Variants in ATP6V1H observed in about 807,000 individuals in gnomAD.
ATP6V1H encodes V-type proton ATPase subunit H.
In ATP6V1H, 39 loss-of-function variants were observed where a neutral mutation model predicts 71.7. The ratio of observed to expected loss-of-function variants is 0.54; its 90% CI spans 0.42 to 0.71. ATP6V1H has a LOEUF of 0.71. ATP6V1H is among the 30% of genes least tolerant of loss of function. The probability of loss-of-function intolerance (pLI) is 0.00; values close to 1 mark genes in which losing one functional copy is unlikely to be tolerated. For missense variants in ATP6V1H, 509 were observed against 594.9 expected (o/e 0.86, Z 1.50); for synonymous variants, 192 against 199.3 (o/e 0.96, Z 0.31).
intron 7 of ATP6V1H, among the ~76,000 whole-genome samples, chr8:53,807,675 T>C (rs749283446): frequency 2.8e-4 from 42 of 152,194 alleles, no homozygotes; most frequent in Admixed American, 2.3e-3. Flanking sequence ...TGTTAATGTG[T>C]ACAGGGTTGG....
In ATP6V1H at chr8:53,769,776, T is replaced by C. The variant is rs1808591123; in HGVS notation, c.1050-33A>G. The C allele has an allele frequency of 1.9e-6, 3 of 1,565,234 alleles. No homozygotes were observed. The South Asian group carries it at 3.6e-5, about 19-fold the overall frequency. On this transcript the variant is annotated intron_variant, in intron 10 of 13. Transcript: ENST00000359530. Reference sequence around the variant, plus strand: ...AATGTTCAAAAGAATTCAAGGTTTATAAGAATCTGACAGTACTCCAAAATT... The same window carrying C: ...AATGTTCAAAAGAATTCAAGGTTTACAAGAATCTGACAGTACTCCAAAATT...
At chr8:53,754,742 T>G (rs749182780) in intron 12 of ATP6V1H, among the ~76,000 whole-genome samples, 25 of 152,358 alleles carry the variant, frequency 1.6e-4, no homozygotes, top group Non-Finnish European at 3.2e-4. Flanking sequence ...AAGTGGTTTA[T>G]CATTGCTGGG....
intron 2 of ATP6V1H, among the ~76,000 whole-genome samples, chr8:53,834,607 G>A (rs1455095947): frequency 6.6e-6 from 1 of 151,918 alleles, no homozygotes; most frequent in Non-Finnish European, 1.5e-5. Flanking sequence ...TTTATTTTTA[G>A]TAGAAACGGG....
At chr8:53,756,260 TTG>T in intron 12 of ATP6V1H, 2 of 171,688 alleles carry the variant, frequency 1.2e-5, no homozygotes, top group South Asian at 2.0e-4. Context: ...TTTTTTTTTT[TTG>T]TATTTTTAGT....
At chr8:53,766,599 G>A (rs968983166) in intron 11 of ATP6V1H, among the ~76,000 whole-genome samples, 6 of 152,150 alleles carry the variant, frequency 3.9e-5, no homozygotes, top group East Asian at 3.9e-4. Context: ...GAGAAATATC[G>A]CTGAATTCTT....
chr8:53,739,791 C>A (rs770671634), intron 13 of ATP6V1H, among the ~76,000 whole-genome samples: 74 of 152,178 alleles, frequency 4.9e-4, no homozygotes, highest in Non-Finnish European at 7.4e-4. Context: ...AAAGGGCACA[C>A]CAGGAATGCC....
intron 13 of ATP6V1H, among the ~76,000 whole-genome samples, chr8:53,730,332 G>A (rs1013811068): frequency 6.6e-6 from 1 of 152,164 alleles, no homozygotes; most frequent in African/African-American, 2.4e-5. Flanking sequence ...AACATGTCTA[G>A]ACTTCGTTCA....
At chr8:53,742,982 T>C (rs949340939) in intron 13 of ATP6V1H, among the ~76,000 whole-genome samples, 5 of 152,232 alleles carry the variant, frequency 3.3e-5, no homozygotes, top group African/African-American at 1.2e-4. Context: ...ATTTCTTCTA[T>C]TATGTACACA....
chr8:53,818,153 T>A (rs1810513162), intron 4 of ATP6V1H, among the ~76,000 whole-genome samples: 1 of 152,236 alleles, frequency 6.6e-6, no homozygotes, highest in Admixed American at 6.5e-5. Context: ...AGATCCACTT[T>A]CTGATTCATT....
Position 53,716,035 on chromosome 8 carries a change from A to AT in ATP6V1H, c.1392-12_1392-11insA, listed in dbSNP as rs1213913548. On this transcript the variant is annotated splice_polypyrimidine_tract_variant and intron_variant, in intron 13 of 13. Transcript: ENST00000359530. ...TTGCCAAGGTATTCCCTGAAAAAAA[A>AT]GAATGAAGTAAGGAGAATGAGAATT... The AT allele has an allele frequency of 1.9e-5, 31 of 1,600,782 alleles. No homozygotes were observed. Among genetic ancestry groups the AT allele is most frequent in the Non-Finnish European group, 1.2e-5 (14 of 1,173,900 alleles).
At chr8:53,773,690 C>T (rs1383666768) in intron 9 of ATP6V1H, among the ~76,000 whole-genome samples, 1 of 152,120 alleles carries the variant, frequency 6.6e-6, no homozygotes, top group East Asian at 1.9e-4. Context: ...AGAAAGGAGA[C>T]CCAAATCCTA....
intron 13 of ATP6V1H, among the ~76,000 whole-genome samples, chr8:53,735,507 T>C (rs1807171855): frequency 6.6e-6 from 1 of 152,108 alleles, no homozygotes; most frequent in South Asian, 2.1e-4. Flanking sequence ...TAAAATAAAA[T>C]CAAGTTTTTG....
chr8:53,816,555 T>C (rs1243990198), intron 5 of ATP6V1H, among the ~76,000 whole-genome samples: 1 of 152,172 alleles, frequency 6.6e-6, no homozygotes, highest in Admixed American at 6.5e-5. Context: ...CCCAGCACTC[T>C]GGGAGGCCGA....
rs371024702 is a variant in ATP6V1H at position 53,746,454 on chromosome 8, G to A, written c.1278-2764C>T. Among the ~76,000 whole-genome samples the A allele has an allele frequency of 7.9e-5, 12 of 151,826 alleles. No individual in the cohort carries two copies. In the South Asian group the frequency reaches 1.7e-3, roughly 21 times the overall value. ...TCATTTTTGTATTTTTAGTAGAGAC[G>A]GGGTTTCACCATGTTGGCCAGGCTG... is the stretch of plus-strand genomic sequence containing the variant. On this transcript the variant is annotated intron_variant, in intron 12 of 13. Transcript: ENST00000359530.
intron 9 of ATP6V1H, among the ~76,000 whole-genome samples, chr8:53,788,475 T>A (rs1809451573): frequency 6.6e-6 from 1 of 152,194 alleles, no homozygotes; most frequent in South Asian, 2.1e-4. Context: ...AATATTAACT[T>A]AGCAAGAATC....
At chr8:53,821,278 C>G (rs556923075) in intron 4 of ATP6V1H, among the ~76,000 whole-genome samples, 91 of 150,580 alleles carry the variant, frequency 6.0e-4, no homozygotes, top group African/African-American at 2.1e-3. Flanking sequence ...GAGGCTGAGG[C>G]AGGAGACTCA....
intron 12 of ATP6V1H, 103 bp from the exon 13 acceptor site, chr8:53,743,793 A>C: frequency 2.9e-6 from 2 of 693,166 alleles, no homozygotes; most frequent in Non-Finnish European, 4.9e-6. Flanking sequence ...GAAAGTAACA[A>C]TGTACGTAAA....
chr8:53,783,336 G>A (rs1809238915), intron 9 of ATP6V1H, among the ~76,000 whole-genome samples: 1 of 152,150 alleles, frequency 6.6e-6, no homozygotes, highest in Non-Finnish European at 1.5e-5. Flanking sequence ...GCATAGAGGT[G>A]TTTATAGTAT....
chr8:53,801,216 GTAGATTTTC>G (rs113031982), intron 8 of ATP6V1H, among the ~76,000 whole-genome samples: 7,465 of 152,214 alleles, frequency 0.049, 537 homozygotes, highest in African/African-American at 0.16. Context: ...AAACTCCTCT[GTAGATTTTC>G]TAACAGAGAA....
Sources: gnomAD v4.1 joint callset for allele counts (sites outside exome capture counted in the v4.1 genomes callset) on GRCh38, gnomAD v4.1.1 for gene constraint, MANE v1.5 for transcripts, NCBI Gene and HGNC (gene_info 2026-07-23, HGNC 2026-07-21) for gene names.